Variants in PLEKHM3 observed in about 807,000 individuals in gnomAD.
PLEKHM3 encodes the protein pleckstrin homology domain-containing family M member 3.
PLEKHM3 carries 45 observed loss-of-function variants against 81.8 expected under a neutral mutation model. That is an observed-to-expected ratio of 0.55 (90% CI 0.43 to 0.71). PLEKHM3 has a LOEUF of 0.71. Among genes scored for constraint, PLEKHM3 ranks in the 30% least tolerant of loss-of-function variants. The pLI is 0.00. For missense variants in PLEKHM3, 788 were observed against 924.3 expected, an observed-to-expected ratio of 0.85 and a Z score of 1.91; for synonymous variants, 352 against 356.4, an observed-to-expected ratio of 0.99 and a Z score of 0.14.
chr2:207,969,469 T>C (rs1691036996), intron 3 of PLEKHM3, among the ~76,000 whole-genome samples: 1 of 152,238 alleles, frequency 6.6e-6, no homozygotes, highest in African/African-American at 2.4e-5. Context: ...TATGTCTAAA[T>C]GATGCCATAA....
chr2:207,977,673 A>C (rs1691368211), intron 2 of PLEKHM3, 87 bp from the exon 3 acceptor site: 1 of 1,124,394 alleles, frequency 8.9e-7, no homozygotes, highest in Non-Finnish European at 1.3e-6. Context: ...GGGCACAAGA[A>C]ACCACACAGA....
rs868058299 is a variant in PLEKHM3 at position 207,865,821 on chromosome 2, T to A, written c.1951-4559A>T. On this transcript the variant is annotated intron_variant, in intron 6 of 7. Transcript: ENST00000427836. ...AAAAAAAGATATATATATATATATA[T>A]ATATATATATATATATACTTTCTGT... Among the ~76,000 whole-genome samples, 461 of 106,318 alleles carry A rather than the reference T, an allele frequency of 4.3e-3. 20 individuals are homozygous for A. The highest frequency in any genetic ancestry group is 0.019 in the East Asian group (65 of 3,368). 69.7% of individuals were successfully genotyped at this position (106,318 alleles called of 152,430 possible).
At chr2:207,828,543 A>G in intron 7 of PLEKHM3, 47 bp from the exon 8 acceptor site, 1 of 1,576,646 alleles carries the variant, frequency 6.3e-7, no homozygotes, top group Non-Finnish European at 8.6e-7. Flanking sequence ...GAAGCCAGCA[A>G]GACACAAATG....
chr2:208,020,524 A>G (rs764502365), intron 1 of PLEKHM3, among the ~76,000 whole-genome samples: 31 of 152,232 alleles, frequency 2.0e-4, no homozygotes, highest in Non-Finnish European at 3.5e-4. Flanking sequence ...ATGATCCCAC[A>G]GTAGCCAATG....
At chr2:207,962,475 T>G (rs1690768822) in intron 3 of PLEKHM3, among the ~76,000 whole-genome samples, 1 of 152,232 alleles carries the variant, frequency 6.6e-6, no homozygotes, top group African/African-American at 2.4e-5. Context: ...TCGTTTATAA[T>G]AAAACTGCAA....
chr2:207,928,337 C>T (rs903427781), intron 5 of PLEKHM3, among the ~76,000 whole-genome samples: 1 of 152,196 alleles, frequency 6.6e-6, no homozygotes, highest in South Asian at 2.1e-4. Flanking sequence ...ATCCACTCTC[C>T]CTTGCTCACT....
intron 4 of PLEKHM3, among the ~76,000 whole-genome samples, chr2:207,945,184 C>T (rs1454775993): frequency 6.6e-6 from 1 of 152,206 alleles, no homozygotes; most frequent in African/African-American, 2.4e-5. Flanking sequence ...ACTTTCTTCA[C>T]GTGGCTTGTC....
chr2:207,985,116 T>C (rs1263857036), intron 2 of PLEKHM3, among the ~76,000 whole-genome samples: 2 of 152,068 alleles, frequency 1.3e-5, no homozygotes, highest in African/African-American at 4.8e-5. Context: ...CCTCACACAG[T>C]GCTGCCACTC....
At chr2:207,892,420 C>T (rs1688088053) in intron 6 of PLEKHM3, among the ~76,000 whole-genome samples, 2 of 152,174 alleles carry the variant, frequency 1.3e-5, no homozygotes, top group Admixed American at 1.3e-4. Flanking sequence ...ATAGCTTCTC[C>T]TCCACTGTTA....
chr2:207,893,519 G>T (rs950426561), intron 6 of PLEKHM3, among the ~76,000 whole-genome samples: 3 of 152,200 alleles, frequency 2.0e-5, no homozygotes, highest in African/African-American at 7.2e-5. Flanking sequence ...CCATAAACTA[G>T]GGGATGGATG....
chr2:207,935,858 T>C (rs73983652), intron 4 of PLEKHM3, among the ~76,000 whole-genome samples: 9,137 of 152,268 alleles, frequency 0.06, 919 homozygotes, highest in African/African-American at 0.21. Flanking sequence ...TGAAGACTAA[T>C]CTATAATGTA....
Position 207,977,235 on chromosome 2 carries a change from A to C in PLEKHM3, c.962T>G (p.Leu321Arg), listed in dbSNP as rs1229274148. 6.2e-7 allele frequency: 1 copy of C among 1,614,050 alleles called. No individual in the cohort carries two copies. Among genetic ancestry groups the C allele is most frequent in the Non-Finnish European group, 8.5e-7 (1 of 1,180,024 alleles). The change falls in exon 3 of 8, where the codon CTG becomes CGG. Residue 321 changes from leucine (L) to arginine (R), a missense_variant. By Grantham distance (102) the Leu-to-Arg change is moderately radical (BLOSUM62 -2). Coordinates refer to ENST00000427836, the MANE Select transcript of PLEKHM3 (RefSeq NM_001080475.3). Reference protein sequence around the residue: ...VPGYMGRQNELTISPGLGHHD... With the variant: ...VPGYMGRQNERTISPGLGHHD... The stretch of plus-strand genomic sequence containing the variant: ...ATGGCCAAGCCCTGGTGAGATTGTC[A>C]GCTCATTCTGCCGCCCCATGTAACC...
At chr2:207,956,322 A>T in intron 3 of PLEKHM3, among the ~76,000 whole-genome samples, 1 of 151,852 alleles carries the variant, frequency 6.6e-6, no homozygotes, top group Non-Finnish European at 1.5e-5. Flanking sequence ...CACAAAAAAA[A>T]ATTAGCCGGG....
At chr2:207,884,185 CT>C (rs1687811664) in intron 6 of PLEKHM3, among the ~76,000 whole-genome samples, 1 of 112,880 alleles carries the variant, frequency 8.9e-6, no homozygotes, top group African/African-American at 3.4e-5. Flanking sequence ...TAGAAATGAA[CT>C]TCCTTATCTG....
intron 7 of PLEKHM3, among the ~76,000 whole-genome samples, chr2:207,840,556 T>C (rs906262438): frequency 6.6e-6 from 1 of 152,210 alleles, no homozygotes; most frequent in African/African-American, 2.4e-5. Context: ...ACTAATAGGT[T>C]AAAATCTAAT....
chr2:207,834,573 G>A (rs1247994956), intron 7 of PLEKHM3, among the ~76,000 whole-genome samples: 10 of 151,768 alleles, frequency 6.6e-5, no homozygotes, highest in African/African-American at 2.4e-4. Context: ...TTACAGGCAT[G>A]TGCCACCACG....
chr2:208,012,065 G>C (rs554897998), intron 1 of PLEKHM3, among the ~76,000 whole-genome samples: 1 of 151,818 alleles, frequency 6.6e-6, no homozygotes, highest in Non-Finnish European at 1.5e-5. Context: ...TTTTTGAGAC[G>C]GAGTCTCGCT....
chr2:208,015,709 T>C (rs998845115), intron 1 of PLEKHM3, among the ~76,000 whole-genome samples: 1 of 152,230 alleles, frequency 6.6e-6, no homozygotes, highest in African/African-American at 2.4e-5. Context: ...TAGTCCTAAT[T>C]GCCCAAGCCT....
At chr2:207,878,876 G>A (rs2092572509) in intron 6 of PLEKHM3, among the ~76,000 whole-genome samples, 1 of 151,852 alleles carries the variant, frequency 6.6e-6, no homozygotes, top group African/African-American at 2.4e-5. Context: ...AGCCCCGGAA[G>A]CCTCTTCTGC....
Sources: allele counts gnomAD v4.1 joint callset (sites outside exome capture counted in the v4.1 genomes callset), GRCh38; gene constraint gnomAD v4.1.1; transcripts MANE v1.5; gene names NCBI Gene and HGNC (gene_info 2026-07-23, HGNC 2026-07-21).